The following NFKB1 variants were observed in gnomAD, a reference collection of about 807,000 sequenced individuals.
NFKB1 encodes nuclear factor NF-kappa-B p105 subunit.
In NFKB1, 9 loss-of-function variants were observed where a neutral mutation model predicts 105.1. The observed-to-expected ratio is 0.09, with a 90% CI of 0.05 to 0.15. The LOEUF (loss-of-function observed/expected upper bound fraction) is 0.15. NFKB1 is among the 10% of genes least tolerant of loss of function. The pLI is 1.00. For missense variants in NFKB1, 830 were observed against 1,203.7 expected (o/e 0.69, Z 4.59); for synonymous variants, 440 against 442.2 (o/e 1.00, Z 0.06).
chr4:102,562,496 GAATA>G (rs961439746), intron 5 of NFKB1, among the ~76,000 whole-genome samples: 19 of 152,156 alleles, frequency 1.2e-4, no homozygotes, highest in Non-Finnish European at 1.9e-4. Flanking sequence ...AATACTCGCT[GAATA>G]AATAGAGAAA....
intron 5 of NFKB1, among the ~76,000 whole-genome samples, chr4:102,555,784 G>A (rs1243160209): frequency 6.6e-6 from 1 of 152,196 alleles, no homozygotes; most frequent in Non-Finnish European, 1.5e-5. Context: ...AGTAGATAAG[G>A]CCAAATCATG....
intron 8 of NFKB1, among the ~76,000 whole-genome samples, chr4:102,579,312 A>G (rs1725127947): frequency 1.3e-5 from 2 of 152,160 alleles, no homozygotes; most frequent in Non-Finnish European, 1.5e-5. Context: ...CATCTTATTT[A>G]TGAATGTCTT....
At chr4:102,561,281 T>TGTG (rs796667355) in intron 5 of NFKB1, among the ~76,000 whole-genome samples, 55 of 123,758 alleles carry the variant, frequency 4.4e-4, no homozygotes, top group African/African-American at 1.7e-3. Flanking sequence ...TTTTTTTTTT[T>TGTG]TGTGTGTGTG....
intron 7 of NFKB1, chr4:102,577,895 T>G (rs1229918488): frequency 2.0e-6 from 2 of 985,322 alleles, no homozygotes; most frequent in Non-Finnish European, 2.4e-6. Context: ...AGTTTACATC[T>G]TGTAGCCAGA....
chr4:102,539,910 A>G (rs193005490), intron 5 of NFKB1, among the ~76,000 whole-genome samples: 4 of 152,282 alleles, frequency 2.6e-5, no homozygotes. Flanking sequence ...ATGGTGAATG[A>G]TAACTCTTGA....
chr4:102,532,378 C>T (rs28450894), intron 3 of NFKB1, among the ~76,000 whole-genome samples: 11,512 of 152,192 alleles, frequency 0.076, 529 homozygotes, highest in African/African-American at 0.14. Flanking sequence ...CCTGTAATCC[C>T]AGCACTTTGG....
intron 5 of NFKB1, among the ~76,000 whole-genome samples, chr4:102,548,662 G>T (rs74646905): frequency 1.3e-5 from 2 of 152,074 alleles, no homozygotes; most frequent in Non-Finnish European, 2.9e-5. Flanking sequence ...TCGCAGGGCC[G>T]TGCCCCCTTT....
At chr4:102,558,704 G>A (rs1723173510) in intron 5 of NFKB1, among the ~76,000 whole-genome samples, 1 of 152,030 alleles carries the variant, frequency 6.6e-6, no homozygotes, top group Admixed American at 6.6e-5. Context: ...AGGCTGGAGT[G>A]CAGTGGTGCG....
At chr4:102,616,328 A>T in intron 23 of NFKB1, 106 bp from the exon 24 acceptor site, 2 of 1,203,402 alleles carry the variant, frequency 1.7e-6, no homozygotes, top group Non-Finnish European at 1.2e-6. Context: ...CATAGGTGGG[A>T]TGTGTGGCTG....
chr4:102,551,346 TG>T (rs929209798), intron 5 of NFKB1, among the ~76,000 whole-genome samples: 20 of 120,580 alleles, frequency 1.7e-4, no homozygotes, highest in African/African-American at 8.2e-4. Flanking sequence ...TATTCTAAAT[TG>T]GTGTGTGTGT....
At chr4:102,577,086 T>A (rs1560689265) in intron 7 of NFKB1, 47 bp downstream of exon 7, 6 of 1,572,336 alleles carry the variant, frequency 3.8e-6, no homozygotes, top group Non-Finnish European at 5.2e-6. Context: ...GTCCAGGCTT[T>A]GGTTTTCATC....
Position 102,537,937 on chromosome 4 carries a change from A to G in NFKB1, c.239A>G (p.Lys80Arg). 6.2e-7 allele frequency: 1 copy of G among 1,608,626 alleles called. No individual in the cohort carries two copies. The highest frequency in any genetic ancestry group is 1.1e-5 in the South Asian group (1 of 90,930). ...LPGASSEKNK[K>R]SYPQVKICNY... Reference sequence around the variant, plus strand: ...GGTGCCTCTAGTGAAAAGAACAAGAAGTCTTACCCTCAGGTCAAAGTAAGT... The same window carrying G: ...GGTGCCTCTAGTGAAAAGAACAAGAGGTCTTACCCTCAGGTCAAAGTAAGT... The change falls in exon 5 of 24, where the codon AAG becomes AGG. Residue 80 changes from lysine to arginine, a missense_variant. Physicochemically the swap from Lys to Arg is conservative, Grantham distance 26. This residue lies in a region of NFKB1 where 64 missense variants were observed against 79.9 expected (regional missense o/e 0.80). Coordinates refer to ENST00000226574, the MANE Select transcript of NFKB1 (RefSeq NM_003998.4).
chr4:102,530,312 A>G (rs1053821957), intron 3 of NFKB1, among the ~76,000 whole-genome samples: 76 of 152,282 alleles, frequency 5.0e-4, no homozygotes, highest in African/African-American at 1.8e-3. Flanking sequence ...TGGGGAATCA[A>G]AGTGTACAGA....
chr4:102,606,408 C>T, intron 16 of NFKB1, 88 bp from the exon 17 acceptor site: 1 of 1,226,072 alleles, frequency 8.2e-7, no homozygotes, highest in Non-Finnish European at 1.2e-6. Flanking sequence ...AGTATGGCCC[C>T]ACCTATTGCA....
intron 5 of NFKB1, among the ~76,000 whole-genome samples, chr4:102,555,684 T>A (rs1419467355): frequency 6.6e-6 from 1 of 152,054 alleles, no homozygotes; most frequent in Non-Finnish European, 1.5e-5. Flanking sequence ...GGCTCAAAAG[T>A]AGAAATCTCT....
At position 102,529,880 on chromosome 4, in the gene NFKB1, A is replaced by G. The variant is rs1741175267; in HGVS notation, c.84A>G (p.Pro28=). Reference sequence around the variant, plus strand: ...CTTTGACTCATACAATATTTAATCCAGAAGTATTTCAACCACAGATGGCAC... The same window carrying G: ...CTTTGACTCATACAATATTTAATCCGGAAGTATTTCAACCACAGATGGCAC... ...DPSLTHTIFN[P]EVFQPQMALP... is the part of the protein sequence containing the mutation. The change falls in exon 3 of 24, where the codon CCA becomes CCG. Residue 28 remains proline (P), a synonymous_variant. Transcript: ENST00000226574. 1.9e-6 allele frequency: 3 copies of G among 1,610,782 alleles called. No homozygotes were observed. In the South Asian group the frequency reaches 3.3e-5, roughly 18 times the overall value.
intron 5 of NFKB1, among the ~76,000 whole-genome samples, chr4:102,545,988 C>CA (rs1722110261): frequency 6.6e-6 from 1 of 152,104 alleles, no homozygotes. Flanking sequence ...CATAGTGGCT[C>CA]ACGCCTATAA....
At chr4:102,517,167 T>C (rs1740247676) in intron 1 of NFKB1, among the ~76,000 whole-genome samples, 1 of 152,222 alleles carries the variant, frequency 6.6e-6, no homozygotes, top group South Asian at 2.1e-4. Context: ...CCTTTCTTTG[T>C]GATATTCTGC....
intron 5 of NFKB1, among the ~76,000 whole-genome samples, chr4:102,542,432 C>G (rs1162092843): frequency 9.2e-5 from 14 of 152,120 alleles, no homozygotes; most frequent in Non-Finnish European, 7.4e-5. Flanking sequence ...ATTGACATAA[C>G]AGACACTATG....
Sources: gnomAD v4.1 joint callset for allele counts (sites outside exome capture counted in the v4.1 genomes callset) on GRCh38, gnomAD v4.1.1 for gene constraint, gnomAD v4.1.1 regional missense constraint, MANE v1.5 for transcripts, NCBI Gene and HGNC (gene_info 2026-07-23, HGNC 2026-07-21) for gene names.